The following PDE10A variants were observed in gnomAD, a reference collection of about 807,000 sequenced individuals.
PDE10A encodes the protein cAMP and cAMP-inhibited cGMP 3',5'-cyclic phosphodiesterase 10A.
In PDE10A, 39 loss-of-function variants were observed where a neutral mutation model predicts 97.7. The ratio of observed to expected loss-of-function variants is 0.40; its 90% CI spans 0.31 to 0.52. The LOEUF is 0.52. Ranked by LOEUF, PDE10A falls within the 20% of genes least tolerant of loss-of-function variation. The probability of loss-of-function intolerance (pLI) is 0.56; values close to 1 mark genes in which losing one functional copy is unlikely to be tolerated. For synonymous variants in PDE10A, 371 were observed against 376.8 expected (o/e 0.98, Z 0.18); for missense variants, 731 against 1,047.8 (o/e 0.70, Z 4.17).
intron 1 of PDE10A, among the ~76,000 whole-genome samples, chr6:165,860,491 A>T (rs1780872990): frequency 6.6e-6 from 1 of 152,082 alleles, no homozygotes; most frequent in African/African-American, 2.4e-5. Context: ...ACAAAAAAAC[A>T]CAAAACCAGA....
intron 17 of PDE10A, among the ~76,000 whole-genome samples, chr6:165,385,793 A>G (rs1562407738): frequency 6.6e-6 from 1 of 152,194 alleles, no homozygotes; most frequent in Non-Finnish European, 1.5e-5. Context: ...TATGGCCCCA[A>G]TATTATTTCT....
At chr6:165,552,485 A>G (rs943289309) in intron 1 of PDE10A, among the ~76,000 whole-genome samples, 1 of 152,198 alleles carries the variant, frequency 6.6e-6, no homozygotes, top group East Asian at 1.9e-4. Flanking sequence ...GTTCCTTCTG[A>G]GAGTCTGAAA....
At chr6:165,451,645 G>T (rs1791299004) in intron 3 of PDE10A, among the ~76,000 whole-genome samples, 1 of 152,140 alleles carries the variant, frequency 6.6e-6, no homozygotes, top group Admixed American at 6.5e-5. Flanking sequence ...TCTATTACTT[G>T]CTGTTTTCTT....
chr6:165,365,746 T>C (rs540928508), intron 18 of PDE10A, among the ~76,000 whole-genome samples: 1 of 152,176 alleles, frequency 6.6e-6, no homozygotes, highest in South Asian at 2.1e-4. Context: ...TAAATTAAAA[T>C]TTAAAAGGTG....
chr6:165,897,551 G>A (rs1212740837), intron 1 of PDE10A, among the ~76,000 whole-genome samples: 1 of 152,060 alleles, frequency 6.6e-6, no homozygotes, highest in Non-Finnish European at 1.5e-5. Context: ...AGGATTGGAT[G>A]TGAGCATGTG....
intron 1 of PDE10A, among the ~76,000 whole-genome samples, chr6:165,580,251 C>T (rs771303449): frequency 2.6e-5 from 4 of 151,982 alleles, no homozygotes; most frequent in Non-Finnish European, 4.4e-5. Context: ...AGGAATGGGT[C>T]GGGTATGTCT....
intron 13 of PDE10A, among the ~76,000 whole-genome samples, chr6:165,412,085 C>T (rs1787898051): frequency 6.6e-6 from 1 of 151,696 alleles, no homozygotes; most frequent in African/African-American, 2.4e-5. Flanking sequence ...GACTTGATCA[C>T]ATATGTGATA....
intron 1 of PDE10A, among the ~76,000 whole-genome samples, chr6:165,607,578 T>C (rs1420992725): frequency 6.6e-6 from 1 of 152,272 alleles, no homozygotes; most frequent in Admixed American, 6.5e-5. Flanking sequence ...GGACGTCACC[T>C]AGTGATGCAT....
chr6:165,548,903 T>A (rs187084575), intron 1 of PDE10A, among the ~76,000 whole-genome samples: 1 of 152,154 alleles, frequency 6.6e-6, no homozygotes, highest in Non-Finnish European at 1.5e-5. Flanking sequence ...GGTAAACAAC[T>A]AAAAAATAAC....
intron 17 of PDE10A, among the ~76,000 whole-genome samples, chr6:165,380,891 C>A (rs868017734): frequency 1.3e-5 from 2 of 152,254 alleles, no homozygotes; most frequent in African/African-American, 2.4e-5. Context: ...GTAGCTCCTG[C>A]ATCAACACTG....
At chr6:165,473,241 A>G (rs1779113129) in intron 3 of PDE10A, among the ~76,000 whole-genome samples, 1 of 152,252 alleles carries the variant, frequency 6.6e-6, no homozygotes, top group Admixed American at 6.5e-5. Context: ...AAGTAAATAT[A>G]TGCATGTGAA....
rs117584639 is a variant in PDE10A, at chr6:165,579,014, G to A, written c.866-35446C>T. 9.4e-3 allele frequency among the ~76,000 whole-genome samples: 1,433 copies of A among 152,228 alleles called. 33 individuals are homozygous for A. The highest frequency in any genetic ancestry group is 0.062 in the South Asian group (300 of 4,814). On this transcript the variant is annotated intron_variant, in intron 1 of 21. Coordinates refer to ENST00000539869, the MANE Select transcript of PDE10A (RefSeq NM_001385079.1). ...CTTGTAATCCACGAACAGACAAGAC[G>A]GAAAGGGCATCTCAGACAGAAGGAA...
At chr6:165,507,460 G>A (rs927738645) in intron 2 of PDE10A, among the ~76,000 whole-genome samples, 1 of 151,966 alleles carries the variant, frequency 6.6e-6, no homozygotes, top group Non-Finnish European at 1.5e-5. Flanking sequence ...CACTCTTCAT[G>A]AGACTCCTAC....
intron 1 of PDE10A, among the ~76,000 whole-genome samples, chr6:165,965,581 T>A (rs1343056067): frequency 2.6e-5 from 4 of 152,214 alleles, no homozygotes; most frequent in African/African-American, 9.6e-5. Context: ...AATACTGCCA[T>A]CCTTACCTTT....
chr6:165,421,121 G>A (rs1788661774), intron 10 of PDE10A, among the ~76,000 whole-genome samples: 1 of 152,128 alleles, frequency 6.6e-6, no homozygotes, highest in African/African-American at 2.4e-5. Flanking sequence ...AGAAAAATCT[G>A]CGAGATTATC....
intron 1 of PDE10A, among the ~76,000 whole-genome samples, chr6:165,632,200 C>CACAAA (rs750920657): frequency 1.5e-5 from 1 of 67,272 alleles, no homozygotes; most frequent in Non-Finnish European, 2.7e-5. Context: ...GAGTCCATCT[C>CACAAA]AAAAAAAAAA....
At chr6:165,551,860 GAC>G (rs1449925086) in intron 1 of PDE10A, among the ~76,000 whole-genome samples, 3 of 152,180 alleles carry the variant, frequency 2.0e-5, no homozygotes, top group African/African-American at 4.8e-5. Flanking sequence ...GGAGACCCAA[GAC>G]TAATCGGAAA....
intron 13 of PDE10A, among the ~76,000 whole-genome samples, chr6:165,400,071 A>G (rs1021696797): frequency 2.0e-5 from 3 of 152,198 alleles, no homozygotes; most frequent in African/African-American, 4.8e-5. Flanking sequence ...GCGAGGCCAT[A>G]AGGAAAGGAT....
intron 1 of PDE10A, among the ~76,000 whole-genome samples, chr6:165,604,289 G>A (rs1486852394): frequency 2.0e-5 from 3 of 152,134 alleles, no homozygotes; most frequent in Non-Finnish European, 2.9e-5. Context: ...CTGGCAAACA[G>A]CAGACCCCCA....
Sources: gnomAD v4.1 joint callset for allele counts (sites outside exome capture counted in the v4.1 genomes callset) on GRCh38, gnomAD v4.1.1 for gene constraint, MANE v1.5 for transcripts, NCBI Gene and HGNC (gene_info 2026-07-23, HGNC 2026-07-21) for gene names.